Variants in ZNF771 observed in about 807,000 individuals in gnomAD.
ZNF771 encodes the protein zinc finger protein 771.
ZNF771 carries 10 observed loss-of-function variants against 27.6 expected under a neutral mutation model. The observed-to-expected ratio is 0.36, with a 90% confidence interval of 0.22 to 0.61. ZNF771 has a LOEUF of 0.61. ZNF771 is among the 20% of genes least tolerant of loss of function. The pLI, the probability that ZNF771 is intolerant of heterozygous loss-of-function variation, is 0.70. For missense variants in ZNF771, 438 were observed against 503.7 expected, an observed-to-expected ratio of 0.87 and a Z score of 1.25; for synonymous variants, 261 against 225.2, an observed-to-expected ratio of 1.16 and a Z score of -1.43.
intron 2 of ZNF771, among the ~76,000 whole-genome samples, chr16:30,417,276 G>T (rs1376506201): frequency 6.6e-6 from 1 of 152,166 alleles, no homozygotes. Context: ...TTTATTTAAT[G>T]CGGAATCCCC....
intron 2 of ZNF771, among the ~76,000 whole-genome samples, chr16:30,412,839 T>C (rs1022017238): frequency 4.6e-5 from 7 of 151,972 alleles, no homozygotes; most frequent in African/African-American, 1.5e-4. Context: ...GTTAAGAGAA[T>C]AGGTGTTCTG....
intron 2 of ZNF771, 84 bp from the exon 3 acceptor site, chr16:30,417,471 C>A: frequency 1.0e-6 from 1 of 972,870 alleles, no homozygotes; most frequent in Non-Finnish European, 1.3e-6. Context: ...AACTGAGGCT[C>A]ACAGAGGGAG....
At chr16:30,408,870 A>G (rs546647343) in intron 2 of ZNF771, among the ~76,000 whole-genome samples, 2 of 152,266 alleles carry the variant, frequency 1.3e-5, no homozygotes, top group African/African-American at 4.8e-5. Flanking sequence ...GCTGTAGTGC[A>G]GTACAGCTCA....
chr16:30,417,464 TGAGGCTCACA>T (rs2050140162), intron 2 of ZNF771, 81 bp from the exon 3 acceptor site: 1 of 887,726 alleles, frequency 1.1e-6, no homozygotes, highest in South Asian at 5.7e-5. Flanking sequence ...GATGGGGAAC[TGAGGCTCACA>T]GAGGGAGCAG....
chr16:30,417,920 C>G lies in ZNF771; in HGVS notation c.507C>G (p.His169Gln). 6.6e-7 allele frequency: 1 copy of G among 1,519,920 alleles called. No homozygotes were observed. The highest frequency in any genetic ancestry group is 1.2e-5 in the South Asian group (1 of 81,956). The allele number at this position is 1,519,920 out of a possible 1,614,324, so 94.2% of individuals were successfully genotyped here. ...SSNYAQHLRVHTGEKPYACPD... is the reference protein window; with the variant it reads ...SSNYAQHLRVQTGEKPYACPD... ...ACTACGCACAGCACCTGCGCGTGCA[C>G]ACGGGCGAGAAGCCGTACGCGTGCC... Residue 169 changes from histidine to glutamine, a missense_variant, in exon 3 of 3, where the codon CAC becomes CAG. Coordinates refer to ENST00000319296, the MANE Select transcript of ZNF771 (RefSeq NM_001142305.2).
chr16:30,408,447 A>G (rs900070408), intron 2 of ZNF771, among the ~76,000 whole-genome samples: 2 of 152,230 alleles, frequency 1.3e-5, no homozygotes, highest in East Asian at 3.9e-4. Flanking sequence ...TTGATGTTAG[A>G]CTGAAGGGTA....
chr16:30,408,093 G>C lies in ZNF771; in HGVS notation c.40G>C (p.Glu14Gln). Reference protein sequence around the residue: ...EQQAEEEEEEEMQEEMVLLVK... With the variant: ...EQQAEEEEEEQMQEEMVLLVK... ...GCAGGCAGAGGAAGAGGAGGAGGAA[G>C]AGATGCAGGAGGAGATGGTGCTGCT... The change falls in exon 2 of 3, where the codon GAG (glutamate) becomes CAG (glutamine). Residue 14 changes from glutamate to glutamine, a missense_variant. Transcript: ENST00000319296. The C allele has an allele frequency of 1.2e-6, 2 of 1,609,544 alleles. No individual in the cohort carries two copies. The highest frequency in any genetic ancestry group is 2.2e-5 in the South Asian group (2 of 90,828).
Position 30,418,509 on chromosome 16 carries a change from C to A in ZNF771, c.*142C>A. 1 of 824,160 alleles carries A rather than the reference C, an allele frequency of 1.2e-6. No individual in the cohort carries two copies. The highest frequency in any genetic ancestry group is 1.7e-6 in the Non-Finnish European group (1 of 576,382). The allele number at this position is 824,160 out of a possible 1,614,324, so 51.1% of individuals were successfully genotyped here. Reference sequence around the variant, plus strand: ...CCTGGAACTGGGAGACAGGGAGAATCCCCTGCCGGGGTCCCTGGAAACAGT... The same window carrying A: ...CCTGGAACTGGGAGACAGGGAGAATACCCTGCCGGGGTCCCTGGAAACAGT... On this transcript the variant is annotated 3_prime_UTR_variant, in exon 3 of 3. Coordinates refer to ENST00000319296, the MANE Select transcript of ZNF771 (RefSeq NM_001142305.2).
intron 2 of ZNF771, among the ~76,000 whole-genome samples, chr16:30,411,071 C>A (rs2151123839): frequency 6.6e-6 from 1 of 151,800 alleles, no homozygotes; most frequent in South Asian, 2.1e-4. Flanking sequence ...GTAATCCCAG[C>A]ACTTTGGGAG....
chr16:30,408,083 G>A lies in ZNF771; in HGVS notation c.30G>A (p.Glu10=). Residue 10 remains glutamate (E), a synonymous_variant, in exon 2 of 3, where the codon GAG becomes GAA. Transcript: ENST00000319296. MPGEQQAEE[E]EEEEMQEEMV... is the part of the protein sequence containing the mutation. ...CTGGCGAACAGCAGGCAGAGGAAGA[G>A]GAGGAGGAAGAGATGCAGGAGGAGA... 6.2e-7 allele frequency: 1 copy of A among 1,609,506 alleles called. No individual in the cohort carries two copies. The highest frequency in any genetic ancestry group is 8.5e-7 in the Non-Finnish European group (1 of 1,177,494).
Position 30,417,932 on chromosome 16 carries a change from G to C in ZNF771, c.519G>C (p.Lys173Asn). Residue 173 changes from lysine (K) to asparagine (N), a missense_variant, in exon 3 of 3, where the codon AAG becomes AAC. This residue lies in a region of ZNF771 where 305 missense variants were observed against 308.0 expected (regional missense o/e 0.99). Transcript: ENST00000319296. Reference sequence around the variant, plus strand: ...ACCTGCGCGTGCACACGGGCGAGAAGCCGTACGCGTGCCCGGACTGCGGAC... The same window carrying C: ...ACCTGCGCGTGCACACGGGCGAGAACCCGTACGCGTGCCCGGACTGCGGAC... ...AQHLRVHTGE[K>N]PYACPDCGRA... The C allele has an allele frequency of 6.6e-7, 1 of 1,517,576 alleles. No individual in the cohort carries two copies. Among genetic ancestry groups the C allele is most frequent in the Non-Finnish European group, 8.8e-7 (1 of 1,142,520 alleles). The allele number at this position is 1,517,576 out of a possible 1,614,324, so 94.0% of individuals were successfully genotyped here.
chr16:30,410,571 C>T (rs2050098612), intron 2 of ZNF771, among the ~76,000 whole-genome samples: 1 of 151,670 alleles, frequency 6.6e-6, no homozygotes, highest in Non-Finnish European at 1.5e-5. Flanking sequence ...GGGTTTGGCA[C>T]ATGGAGGAGG....
intron 2 of ZNF771, among the ~76,000 whole-genome samples, chr16:30,416,950 A>G (rs188748918): frequency 1.4e-4 from 21 of 151,180 alleles, no homozygotes; most frequent in African/African-American, 3.9e-4. Context: ...AAAGCCAAAT[A>G]TAACAAATAC....
Position 30,409,381 on chromosome 16 carries a change from G to C in ZNF771, c.141+1187G>C, listed in dbSNP as rs915396173. 2.6e-5 allele frequency among the ~76,000 whole-genome samples: 4 copies of C among 152,126 alleles called. No individual in the cohort carries two copies. In the East Asian group the frequency reaches 7.7e-4, roughly 29 times the overall value. ...GTGGATGAGTGGGGGTGGTTGGCAG[G>C]CCACACAGGGAGTCTGGCTTTTATT... On this transcript the variant is annotated intron_variant, in intron 2 of 2. Transcript: ENST00000319296.
At chr16:30,414,937 GC>G (rs2050125452) in intron 2 of ZNF771, among the ~76,000 whole-genome samples, 1 of 132,318 alleles carries the variant, frequency 7.6e-6, no homozygotes, top group Non-Finnish European at 1.6e-5. Context: ...GAGCCACCGC[GC>G]CCGGCCTCTT....
At chr16:30,415,243 C>G (rs890380192) in intron 2 of ZNF771, among the ~76,000 whole-genome samples, 1 of 152,010 alleles carries the variant, frequency 6.6e-6, no homozygotes, top group Non-Finnish European at 1.5e-5. Context: ...CAGGTGTGAA[C>G]CACCACGCCT....
At chr16:30,409,622 C>G (rs890762034) in intron 2 of ZNF771, among the ~76,000 whole-genome samples, 2 of 152,186 alleles carry the variant, frequency 1.3e-5, no homozygotes, top group Non-Finnish European at 2.9e-5. Flanking sequence ...GGAGCCAGTT[C>G]CCAGGGAAAG....
Position 30,409,494 on chromosome 16 carries a change from T to G in ZNF771, c.141+1300T>G, listed in dbSNP as rs1222568702. Among the ~76,000 whole-genome samples the G allele has an allele frequency of 2.0e-5, 3 of 152,196 alleles. No homozygotes were observed. In the East Asian group the frequency reaches 5.8e-4, roughly 29 times the overall value. On this transcript the variant is annotated intron_variant, in intron 2 of 2. Coordinates refer to ENST00000319296, the MANE Select transcript of ZNF771 (RefSeq NM_001142305.2). ...AACTGCCACCAGATACGTTTCCGCT[T>G]CTCAGAACCCCAGAGGATTCTGTCT...
chr16:30,417,890 C>G lies in ZNF771; in HGVS notation c.477C>G (p.Ser159Arg). The change falls in exon 3 of 3, where the codon AGC becomes AGG. Residue 159 changes from serine (S) to arginine (R), a missense_variant. Ser to Arg is a moderately radical substitution (Grantham distance 110). Transcript: ENST00000319296. ...ACTGCGGCCGCCGCTTCGCGCAGAGCTCCAACTACGCACAGCACCTGCGCG... is the reference window on the plus strand; with the variant it reads ...ACTGCGGCCGCCGCTTCGCGCAGAGGTCCAACTACGCACAGCACCTGCGCG... ...CAHCGRRFAQ[S>R]SNYAQHLRVH... 1.3e-6 allele frequency: 2 copies of G among 1,519,022 alleles called. No homozygotes were observed. Among genetic ancestry groups the G allele is most frequent in the Non-Finnish European group, 1.7e-6 (2 of 1,142,892 alleles). 94.1% of individuals were successfully genotyped at this position (1,519,022 alleles called of 1,614,324 possible).
Sources: gnomAD v4.1 joint callset for allele counts (sites outside exome capture counted in the v4.1 genomes callset) on GRCh38, gnomAD v4.1.1 for gene constraint, gnomAD v4.1.1 regional missense constraint, MANE v1.5 for transcripts, NCBI Gene and HGNC (gene_info 2026-07-23, HGNC 2026-07-21) for gene names.